Variants in GVQW3 observed in about 807,000 individuals in gnomAD.
GVQW3 encodes protein GVQW3.
In GVQW3, 7 loss-of-function variants were observed where a neutral mutation model predicts 12.5. The ratio of observed to expected loss-of-function variants is 0.56; its 90% CI spans 0.32 to 1.05. The LOEUF (loss-of-function observed/expected upper bound fraction) is 1.05. Ranked by LOEUF, GVQW3 falls within the 50% of genes least tolerant of loss-of-function variation. The pLI, the probability that GVQW3 is intolerant of heterozygous loss-of-function variation, is 0.04. For synonymous variants in GVQW3, 71 were observed against 67.2 expected (o/e 1.06, Z -0.28); for missense variants, 188 against 190.8 (o/e 0.99, Z 0.09).
chr11:76,388,575 C>T (rs557597164), intron 1 of GVQW3, among the ~76,000 whole-genome samples: 6 of 151,662 alleles, frequency 4.0e-5, no homozygotes, highest in African/African-American at 1.5e-4. Context: ...ATTCACTCAA[C>T]AATTTTTTAT....
rs1947054549 is a variant in GVQW3, at chr11:76,407,606, A to T, written c.*3848A>T. On this transcript the variant is annotated 3_prime_UTR_variant, in exon 2 of 2. Coordinates refer to ENST00000529331, the MANE Select transcript of GVQW3 (RefSeq NM_001347885.2). ...AAAAAAAAAAAAAAAAAAAAAAAGA[A>T]TTTAAGCCAGTTGACCTAGGAATCT... The T allele has an allele frequency of 6.7e-6, 1 of 149,908 alleles. No homozygotes were observed. Among genetic ancestry groups the T allele is most frequent in the African/African-American group, 2.5e-5 (1 of 40,666 alleles). The allele number at this position is 149,908 out of a possible 1,614,324, so 9.3% of individuals were successfully genotyped here.
intron 1 of GVQW3, among the ~76,000 whole-genome samples, chr11:76,395,270 C>G (rs1946929373): frequency 6.6e-6 from 1 of 152,174 alleles, no homozygotes; most frequent in African/African-American, 2.4e-5. Flanking sequence ...AAAGGAAACC[C>G]TATACTCATT....
intron 1 of GVQW3, among the ~76,000 whole-genome samples, chr11:76,391,520 T>A (rs1027878074): frequency 2.0e-5 from 3 of 152,208 alleles, no homozygotes; most frequent in Admixed American, 1.3e-4. Context: ...GAGAGTTTAA[T>A]GGTTTGCGGT....
chr11:76,390,264 T>C (rs899129270), intron 1 of GVQW3: 7 of 152,228 alleles, frequency 4.6e-5, no homozygotes, highest in Admixed American at 2.0e-4. Context: ...CTCTGGTCTA[T>C]AGAATGAATG....
At chr11:76,389,419 A>C (rs1039106586) in intron 1 of GVQW3, among the ~76,000 whole-genome samples, 1 of 152,212 alleles carries the variant, frequency 6.6e-6, no homozygotes, top group Non-Finnish European at 1.5e-5. Context: ...ATGAACAATT[A>C]ACTGGCTGGG....
chr11:76,412,147 A>G (rs1385441051), downstream of GVQW3: 1 of 152,224 alleles, frequency 6.6e-6, no homozygotes, highest in African/African-American at 2.4e-5. Context: ...CATGCCAGAC[A>G]TTGTGTGAGG....
chr11:76,382,512 G>C, intron 1 of GVQW3: 5 of 612,578 alleles, frequency 8.2e-6, no homozygotes, highest in Non-Finnish European at 8.7e-6. Context: ...TCACTGTTAG[G>C]CACCTTCTTT....
intron 1 of GVQW3, among the ~76,000 whole-genome samples, chr11:76,384,789 G>A (rs1029317379): frequency 6.6e-5 from 10 of 152,164 alleles, no homozygotes; most frequent in Admixed American, 1.3e-4. Context: ...CATCAGATGC[G>A]GCTCTAGGTT....
At chr11:76,397,346 C>G (rs1292973040) in intron 1 of GVQW3, among the ~76,000 whole-genome samples, 1 of 152,184 alleles carries the variant, frequency 6.6e-6, no homozygotes, top group Non-Finnish European at 1.5e-5. Context: ...TTGTGTGAAT[C>G]TACCACATTC....
downstream of GVQW3, among the ~76,000 whole-genome samples, chr11:76,408,787 G>C (rs1947063709): frequency 6.6e-6 from 1 of 152,208 alleles, no homozygotes; most frequent in Non-Finnish European, 1.5e-5. Flanking sequence ...TGGTGTGTCA[G>C]ATGTCCTTAC....
At chr11:76,385,633 T>G (rs1420951125) in intron 1 of GVQW3, among the ~76,000 whole-genome samples, 1 of 152,174 alleles carries the variant, frequency 6.6e-6, no homozygotes, top group African/African-American at 2.4e-5. Flanking sequence ...CCACTTAACT[T>G]ACAACTCTTC....
intron 1 of GVQW3, among the ~76,000 whole-genome samples, chr11:76,397,458 C>T (rs773770741): frequency 5.9e-5 from 9 of 152,162 alleles, no homozygotes; most frequent in East Asian, 1.9e-4. Flanking sequence ...TGTGAACATA[C>T]GTTTTTAATT....
At chr11:76,410,644 G>A (rs571429981), downstream of GVQW3, among the ~76,000 whole-genome samples, 2 of 152,248 alleles carry the variant, frequency 1.3e-5, no homozygotes, top group African/African-American at 4.8e-5. Flanking sequence ...CTGAGGGGAG[G>A]CGCCTTCCCA....
intron 1 of GVQW3, among the ~76,000 whole-genome samples, chr11:76,400,612 A>G (rs2134558907): frequency 6.7e-6 from 1 of 148,206 alleles, no homozygotes; most frequent in Non-Finnish European, 1.5e-5. Flanking sequence ...GTAGAGCCGG[A>G]GTTTCACCAT....
chr11:76,391,077 A>T (rs1946887551), intron 1 of GVQW3, among the ~76,000 whole-genome samples: 1 of 152,208 alleles, frequency 6.6e-6, no homozygotes, highest in South Asian at 2.1e-4. Flanking sequence ...GAATTACCCT[A>T]CAACGTGGTG....
intron 1 of GVQW3, among the ~76,000 whole-genome samples, chr11:76,390,524 G>C (rs1946881155): frequency 6.6e-6 from 1 of 152,178 alleles, no homozygotes; most frequent in Non-Finnish European, 1.5e-5. Flanking sequence ...TTCAGTGAGG[G>C]AGACAGACAA....
rs1237198409 is a variant in GVQW3, at chr11:76,404,147, TAGTTA to T, written c.*394_*398del. On this transcript the variant is annotated 3_prime_UTR_variant, in exon 2 of 2. Coordinates refer to ENST00000529331, the MANE Select transcript of GVQW3 (RefSeq NM_001347885.2). Reference sequence around the variant, plus strand: ...ATTTATTTACTTATTTATTTTAGACTAGTTAAGTTCAGTAGTGAGAAAGAGGGAAG... The same window carrying T: ...ATTTATTTACTTATTTATTTTAGACTAGTTCAGTAGTGAGAAAGAGGGAAG... 7 of 452,456 alleles carry T rather than the reference TAGTTA, an allele frequency of 1.5e-5. No homozygotes were observed. Among genetic ancestry groups the T allele is most frequent in the Non-Finnish European group, 1.2e-5 (3 of 254,328 alleles). 28.0% of individuals were successfully genotyped at this position (452,456 alleles called of 1,614,324 possible).
At position 76,407,032 on chromosome 11, in the gene GVQW3, A is replaced by AT. The variant is rs1025591386; in HGVS notation, c.*3275dup. On this transcript the variant is annotated 3_prime_UTR_variant, in exon 2 of 2. Coordinates refer to ENST00000529331, the MANE Select transcript of GVQW3 (RefSeq NM_001347885.2). ...CAAAAAATAAATAAAATAAAATAAA[A>AT]TAAATAAATAAATAAATATGCCCTC... is the stretch of plus-strand genomic sequence containing the variant. The AT allele has an allele frequency of 2.6e-4, 39 of 151,988 alleles. No homozygotes were observed. Among genetic ancestry groups the AT allele is most frequent in the African/African-American group, 8.4e-4 (35 of 41,504 alleles). The allele number at this position is 151,988 out of a possible 1,614,324, so 9.4% of individuals were successfully genotyped here. A position where few individuals can be genotyped will look rare whatever the true frequency, so the allele number is the denominator to read the frequency against.
At chr11:76,385,980 C>G (rs1946829810) in intron 1 of GVQW3, among the ~76,000 whole-genome samples, 1 of 152,218 alleles carries the variant, frequency 6.6e-6, no homozygotes, top group Admixed American at 6.5e-5. Flanking sequence ...CTCCACCTAA[C>G]CACAATAGAT....
Sources: gnomAD v4.1 joint callset for allele counts (sites outside exome capture counted in the v4.1 genomes callset) on GRCh38, gnomAD v4.1.1 for gene constraint, MANE v1.5 for transcripts, NCBI Gene and HGNC (gene_info 2026-07-23, HGNC 2026-07-21) for gene names.